The following ENKUR variants were observed in gnomAD, a reference collection of about 807,000 sequenced individuals.
ENKUR encodes the protein enkurin, TRPC channel interacting protein, also known as enkurin.
A neutral mutation model predicts 27.6 loss-of-function variants in ENKUR; 19 were observed. The ratio of observed to expected loss-of-function variants is 0.69; its 90% confidence interval spans 0.48 to 1.01. ENKUR has a LOEUF of 1.01. Among genes scored for constraint, ENKUR ranks in the 50% least tolerant of loss-of-function variants. The probability of loss-of-function intolerance (pLI) is 0.00; values close to 1 mark genes in which losing one functional copy is unlikely to be tolerated. For synonymous variants in ENKUR, 117 were observed against 96.9 expected, an observed-to-expected ratio of 1.21 and a Z score of -1.22; for missense variants, 312 against 310.5, an observed-to-expected ratio of 1.00 and a Z score of -0.04.
intron 2 of ENKUR, chr10:25,025,066 G>A (rs778067840): frequency 1.1e-5 from 18 of 1,614,072 alleles, no homozygotes; most frequent in South Asian, 2.2e-5. Context: ...GCAGGATTTT[G>A]TAGCTGACTG....
upstream of ENKUR, among the ~76,000 whole-genome samples, chr10:25,019,170 T>C (rs543837237): frequency 4.5e-3 from 683 of 152,328 alleles, 4 homozygotes; most frequent in South Asian, 0.034. Flanking sequence ...TAATTACAGA[T>C]TGAAAATATT....
At chr10:24,988,234 G>GTA (rs1012216914) in intron 4 of ENKUR, among the ~76,000 whole-genome samples, 1,502 of 133,930 alleles carry the variant, frequency 0.011, 7 homozygotes, top group Middle Eastern at 0.037. Context: ...AAAAAAAAAT[G>GTA]TATATATATA....
intron 2 of ENKUR, among the ~76,000 whole-genome samples, chr10:25,058,033 A>G (rs113791548): frequency 1.1e-4 from 16 of 152,152 alleles, no homozygotes; most frequent in African/African-American, 3.6e-4. Context: ...AAACCCCAAG[A>G]GTGGACGGAG....
At chr10:24,989,454 A>G (rs1373879979) in intron 4 of ENKUR, among the ~76,000 whole-genome samples, 5 of 152,140 alleles carry the variant, frequency 3.3e-5, no homozygotes, top group Non-Finnish European at 5.9e-5. Context: ...ACGATCTACA[A>G]TCCTCCAGGG....
chr10:25,047,726 A>C (rs1189828496), intron 2 of ENKUR, among the ~76,000 whole-genome samples: 2 of 152,170 alleles, frequency 1.3e-5, no homozygotes, highest in African/African-American at 4.8e-5. Flanking sequence ...CAACAATTTT[A>C]AAGGCGACTT....
At position 25,042,669 on chromosome 10, in the gene ENKUR, A is replaced by G. The variant is rs1415494630; in HGVS notation, c.37+18443T>C. Among the ~76,000 whole-genome samples the G allele has an allele frequency of 9.9e-5, 15 of 152,180 alleles. No homozygotes were observed. The East Asian group carries it at 2.9e-3, about 29-fold the overall frequency. On this transcript the variant is annotated intron_variant, in intron 2 of 5. Coordinates refer to the ENKUR transcript ENST00000615958. ...AATCCTCAAGATCATGAAAATTAAG[A>G]AATGACCTGAAAACTATACAAAATG... is the stretch of plus-strand genomic sequence containing the variant.
chr10:24,999,856 C>T (rs892105125), intron 1 of ENKUR, among the ~76,000 whole-genome samples: 1 of 152,134 alleles, frequency 6.6e-6, no homozygotes, highest in Admixed American at 6.6e-5. Context: ...TGTTCTCTGT[C>T]TTTCTCTGCT....
At chr10:25,027,385 A>C (rs1335762849) in intron 2 of ENKUR, among the ~76,000 whole-genome samples, 1 of 142,252 alleles carries the variant, frequency 7.0e-6, no homozygotes, top group African/African-American at 2.8e-5. Context: ...AAAAAAAAAA[A>C]AACTAGCCAG....
intron 2 of ENKUR, among the ~76,000 whole-genome samples, chr10:25,032,798 C>A (rs1850952236): frequency 6.6e-6 from 1 of 152,108 alleles, no homozygotes; most frequent in Admixed American, 6.6e-5. Flanking sequence ...TATGACTTTC[C>A]TTTTTCATGG....
rs1278012003 is a variant in ENKUR, at chr10:24,984,875, T to G, written c.625A>C (p.Lys209Gln). The change falls in exon 5 of 6, where the codon AAA becomes CAA. Residue 209 changes from lysine (K) to glutamine (Q), a missense_variant. Lys to Gln is a moderately conservative substitution (Grantham distance 53, BLOSUM62 1). Transcript: ENST00000331161. ...GLKKNWEEVH[K>Q]EFQSLSVFID... ...AAGACCGAGAGGGACTGGAATTCTTTATGCACCTCTTCCCAGTTCTTTTTC... is the reference window on the plus strand; with the variant it reads ...AAGACCGAGAGGGACTGGAATTCTTGATGCACCTCTTCCCAGTTCTTTTTC... 1 of 1,613,304 alleles carries G rather than the reference T, an allele frequency of 6.2e-7. No individual in the cohort carries two copies.
intron 2 of ENKUR, among the ~76,000 whole-genome samples, chr10:25,040,911 T>C (rs1163941272): frequency 1.3e-5 from 2 of 152,216 alleles, no homozygotes; most frequent in African/African-American, 4.8e-5. Context: ...TTTAATAGTC[T>C]GCTGTTAACA....
chr10:25,019,359 A>G (rs925944258), upstream of ENKUR, among the ~76,000 whole-genome samples: 5 of 152,304 alleles, frequency 3.3e-5, no homozygotes, highest in Admixed American at 6.5e-5. Context: ...CTTTAGTCCC[A>G]GCTACTTGGG....
intron 2 of ENKUR, among the ~76,000 whole-genome samples, chr10:25,021,563 A>G (rs1259329551): frequency 6.6e-6 from 1 of 152,208 alleles, no homozygotes; most frequent in Non-Finnish European, 1.5e-5. Flanking sequence ...TGAGACACAC[A>G]TGTTTAAAAA....
chr10:24,984,431 G>A (rs2132661304), intron 5 of ENKUR, 55 bp from the exon 6 acceptor site: 4 of 1,547,910 alleles, frequency 2.6e-6, no homozygotes, highest in Non-Finnish European at 1.7e-6. Flanking sequence ...TATTTTTCAG[G>A]ACCTAGAAAT....
rs79500795 is a variant in ENKUR at position 24,983,584 on chromosome 10, C to A, written c.*786G>T. 1 of 152,098 alleles carries A rather than the reference C, an allele frequency of 6.6e-6. No homozygotes were observed. The highest frequency in any genetic ancestry group is 1.5e-5 in the Non-Finnish European group (1 of 68,024). The allele number at this position is 152,098 out of a possible 1,614,324, so 9.4% of individuals were successfully genotyped here. A position where few individuals can be genotyped will look rare whatever the true frequency, so the allele number is the denominator to read the frequency against. The stretch of plus-strand genomic sequence containing the variant: ...AAGTTAATAAAGGAATAAAGATACT[C>A]ATATGGACAAGTTTCAAGTGAATTT... On this transcript the variant is annotated 3_prime_UTR_variant, in exon 6 of 6. Transcript: ENST00000331161.
intron 3 of ENKUR, 54 bp downstream of exon 3, chr10:24,995,592 C>T (rs1850029531): frequency 7.0e-7 from 1 of 1,437,968 alleles, no homozygotes; most frequent in Non-Finnish European, 9.6e-7. Context: ...ATCATGAACA[C>T]CATATTTAAA....
chr10:25,044,111 C>T, intron 2 of ENKUR, among the ~76,000 whole-genome samples: 1 of 152,124 alleles, frequency 6.6e-6, no homozygotes. Flanking sequence ...TCACATTCTT[C>T]TGTTTCTTTT....
At chr10:25,002,636 T>C (rs1186250975) in intron 1 of ENKUR, among the ~76,000 whole-genome samples, 1 of 152,202 alleles carries the variant, frequency 6.6e-6, no homozygotes, top group African/African-American at 2.4e-5. Context: ...ATAAATCCCA[T>C]TTTTGGTTGA....
chr10:25,035,929 A>T (rs1341771398), intron 2 of ENKUR, among the ~76,000 whole-genome samples: 7 of 152,226 alleles, frequency 4.6e-5, no homozygotes. Flanking sequence ...ACTTTGGGTG[A>T]ACAAGTTTCT....
Sources: gnomAD v4.1 joint callset for allele counts (sites outside exome capture counted in the v4.1 genomes callset) on GRCh38, gnomAD v4.1.1 for gene constraint, MANE v1.5 for transcripts, NCBI Gene and HGNC (gene_info 2026-07-23, HGNC 2026-07-21) for gene names.